Variants in STAG2 observed in about 807,000 individuals in gnomAD.
The protein encoded by STAG2 is STAG2 cohesin complex component.
In STAG2, 14 loss-of-function variants were observed where a neutral mutation model predicts 108.1. The ratio of observed to expected loss-of-function variants is 0.13; its 90% CI spans 0.09 to 0.20. The LOEUF (loss-of-function observed/expected upper bound fraction) is 0.20. STAG2 is among the 10% of genes least tolerant of loss of function. The pLI is 1.00. For synonymous variants in STAG2, 307 were observed against 302.7 expected, an observed-to-expected ratio of 1.01 and a Z score of -0.15; for missense variants, 440 against 940.9, an observed-to-expected ratio of 0.47 and a Z score of 6.96.
intron 29 of STAG2, among the ~76,000 whole-genome samples, chrX:124,084,576 G>T (rs900975464): frequency 9.0e-6 from 1 of 111,030 alleles, no homozygotes; most frequent in East Asian, 2.8e-4. Flanking sequence ...CCTTGGCCTC[G>T]CAAAGTGCTG....
intron 1 of STAG2, among the ~76,000 whole-genome samples, chrX:123,994,208 G>C (rs1274011708): frequency 9.0e-6 from 1 of 111,570 alleles, no homozygotes; most frequent in Non-Finnish European, 1.9e-5. Flanking sequence ...TGGCTTTATA[G>C]CAACAGCCCC....
chrX:124,049,205 C>A, intron 10 of STAG2, 127 bp downstream of exon 10: 1 of 500,485 alleles, frequency 2.0e-6, no homozygotes, highest in Non-Finnish European at 3.3e-6. Flanking sequence ...TGTTAGACTC[C>A]ATTAGTGCCA....
At chrX:123,983,648 A>G (rs778952792) in intron 1 of STAG2, among the ~76,000 whole-genome samples, 84 of 111,552 alleles carry the variant, frequency 7.5e-4, no homozygotes, top group African/African-American at 2.7e-3. Flanking sequence ...CTTTTGAAAA[A>G]TAATTATATA....
intron 23 of STAG2, among the ~76,000 whole-genome samples, chrX:124,068,060 A>G (rs2058582104): frequency 9.0e-6 from 1 of 111,372 alleles, no homozygotes; most frequent in Non-Finnish European, 1.9e-5. Flanking sequence ...AATAAAAATA[A>G]AAAGTTTGAG....
At chrX:124,074,470 T>G (rs181792614) in intron 25 of STAG2, among the ~76,000 whole-genome samples, 1 of 112,501 alleles carries the variant, frequency 8.9e-6, no homozygotes, top group African/African-American at 3.2e-5. Flanking sequence ...ATTGCTAGAT[T>G]ATGTAGTGTG....
intron 14 of STAG2, among the ~76,000 whole-genome samples, chrX:124,057,290 A>T (rs1190830554): frequency 8.9e-6 from 1 of 111,833 alleles, no homozygotes; most frequent in South Asian, 3.7e-4. Flanking sequence ...TCTTGTTCCT[A>T]TGATGTTATT....
chrX:124,086,421 T>C, intron 29 of STAG2, 126 bp from the exon 30 acceptor site: 1 of 480,296 alleles, frequency 2.1e-6, no homozygotes, highest in Admixed American at 4.0e-5. Context: ...GAGACAACAT[T>C]GTTCATTAAT....
chrX:124,097,338 A>G (rs2059409806), intron 34 of STAG2, among the ~76,000 whole-genome samples: 1 of 111,238 alleles, frequency 9.0e-6, no homozygotes, highest in Non-Finnish European at 1.9e-5. Flanking sequence ...TGTTGCACTC[A>G]TAAGTCTATA....
chrX:123,980,374 G>A (rs1939376809), intron 1 of STAG2, among the ~76,000 whole-genome samples: 2 of 111,015 alleles, frequency 1.8e-5, no homozygotes, highest in Admixed American at 9.7e-5. Flanking sequence ...GATAAGAGTG[G>A]TCAAAGAGGT....
chrX:124,071,373 A>G (rs773587011), intron 25 of STAG2, 50 bp downstream of exon 25: 3 of 997,595 alleles, frequency 3.0e-6, no homozygotes, highest in South Asian at 5.4e-5. Flanking sequence ...CATAAAATCA[A>G]ACTTAAGTAA....
rs189048452 is a variant in STAG2, at chrX:124,018,003, T to C, written c.-162-3364T>C. Among the ~76,000 whole-genome samples the C allele has an allele frequency of 6.2e-3, 695 of 112,289 alleles. 9 individuals are homozygous for C. Among genetic ancestry groups the C allele is most frequent in the African/African-American group, 0.021 (662 of 30,992 alleles). On this transcript the variant is annotated intron_variant, in intron 1 of 34. Coordinates refer to ENST00000371145, the MANE Select transcript of STAG2 (RefSeq NM_001042750.2). ...TAGTTTTACTTTAATATATATTGTT[T>C]AGCTTATCTACAAATGGGATTGCCT...
At chrX:123,980,423 G>A (rs1160603793) in intron 1 of STAG2, among the ~76,000 whole-genome samples, 1 of 111,633 alleles carries the variant, frequency 9.0e-6, no homozygotes, top group African/African-American at 3.3e-5. Flanking sequence ...CAATCCATAA[G>A]CATCTCAAAT....
Position 124,056,242 on chromosome X carries a change from CTATATATCTGT to C in STAG2, c.1304+10_1304+20del, listed in dbSNP as rs765214683. The C allele has an allele frequency of 4.3e-6, 5 of 1,154,874 alleles. No individual in the cohort carries two copies. The highest frequency in any genetic ancestry group is 5.9e-6 in the Non-Finnish European group (5 of 847,627). On this transcript the variant is annotated splice_region_variant and intron_variant, in intron 14 of 34. Coordinates refer to ENST00000371145, the MANE Select transcript of STAG2 (RefSeq NM_001042750.2). ...GAGAATTTCTCTACAAAAAGTAAAT[CTATATATCTGT>C]TACTCATTTTCTAAGGCATACTTTC...
intron 1 of STAG2, among the ~76,000 whole-genome samples, chrX:123,978,778 G>A (rs2054744763): frequency 1.8e-5 from 2 of 112,050 alleles, no homozygotes; most frequent in African/African-American, 6.5e-5. Context: ...TGCTCAACTG[G>A]TAAGTATAAT....
Position 123,971,991 on chromosome X carries a change from T to C in STAG2, c.-163+10135T>C, listed in dbSNP as rs377750080. On this transcript the variant is annotated intron_variant, in intron 1 of 34. Coordinates refer to ENST00000371145, the MANE Select transcript of STAG2 (RefSeq NM_001042750.2). ...CCTCTTTTATTGTGATTTTTAAAGC[T>C]ATTTTATATTTCTGGCCTGTTTATG... Among the ~76,000 whole-genome samples the C allele has an allele frequency of 2.7e-5, 3 of 112,073 alleles. No individual in the cohort carries two copies. The East Asian group carries it at 8.3e-4, about 31-fold the overall frequency.
chrX:124,010,274 C>T (rs1268383089), intron 1 of STAG2, among the ~76,000 whole-genome samples: 1 of 111,325 alleles, frequency 9.0e-6, no homozygotes, highest in African/African-American at 3.3e-5. Flanking sequence ...ACCTATTAAA[C>T]AACAACTCCC....
chrX:124,073,587 A>G (rs935743143), intron 25 of STAG2, among the ~76,000 whole-genome samples: 2 of 110,963 alleles, frequency 1.8e-5, no homozygotes, highest in Non-Finnish European at 3.8e-5. Flanking sequence ...CTGCCTGGCT[A>G]ATTTATTTAA....
chrX:124,018,664 C>T (rs1400026762), intron 1 of STAG2, among the ~76,000 whole-genome samples: 1 of 110,523 alleles, frequency 9.0e-6, no homozygotes, highest in Non-Finnish European at 1.9e-5. Flanking sequence ...TCATGCCCGG[C>T]TGATTTTTTG....
intron 25 of STAG2, 29 bp from the exon 26 acceptor site, chrX:124,076,303 A>G: frequency 8.4e-7 from 1 of 1,196,011 alleles, no homozygotes; most frequent in Non-Finnish European, 1.1e-6. Context: ...AAAATACAAG[A>G]TGCTTAATGT....
Sources: allele counts gnomAD v4.1 joint callset (sites outside exome capture counted in the v4.1 genomes callset), GRCh38; gene constraint gnomAD v4.1.1; transcripts MANE v1.5; gene names NCBI Gene and HGNC (gene_info 2026-07-23, HGNC 2026-07-21).